Variants in CTBP1 observed in about 807,000 individuals in gnomAD.
CTBP1 encodes the protein C-terminal-binding protein 1.
Under a neutral mutation model 42.1 loss-of-function variants are expected in CTBP1, and 11 were observed. The ratio of observed to expected loss-of-function variants is 0.26; its 90% CI spans 0.16 to 0.43. The LOEUF is 0.43. CTBP1 is among the 20% of genes least tolerant of loss of function. The pLI is 1.00. For synonymous variants in CTBP1, 324 were observed against 277.1 expected, an observed-to-expected ratio of 1.17 and a Z score of -1.68; for missense variants, 399 against 624.3, an observed-to-expected ratio of 0.64 and a Z score of 3.85.
rs369335392 is a variant in CTBP1 at position 1,228,362 on chromosome 4, C to A, written c.163-19G>T. The A allele has an allele frequency of 1.6e-5, 26 of 1,609,126 alleles. No individual in the cohort carries two copies. The highest frequency in any genetic ancestry group is 2.1e-5 in the Non-Finnish European group (25 of 1,176,332). On this transcript the variant is annotated intron_variant, in intron 3 of 9. Transcript: ENST00000382952. Reference sequence around the variant, plus strand: ...TCAGGACCTGCAGCGAGAAAGCACACAGGCTCAGCCCGGAACCTGAAGACC... The same window carrying A: ...TCAGGACCTGCAGCGAGAAAGCACAAAGGCTCAGCCCGGAACCTGAAGACC...
At chr4:1,250,322 C>G (rs1383076059), upstream of CTBP1, 2 of 273,362 alleles carry the variant, frequency 7.3e-6, no homozygotes, top group Non-Finnish European at 1.5e-5. Flanking sequence ...ATCGGGCTGC[C>G]GAGCTGTGGC....
chr4:1,213,506 C>T lies in CTBP1; in HGVS notation c.960G>A (p.Ala320=), dbSNP rs758441543. 7.4e-6 allele frequency: 12 copies of T among 1,612,420 alleles called. No individual in the cohort carries two copies. Among genetic ancestry groups the T allele is most frequent in the East Asian group, 6.7e-5 (3 of 44,884 alleles). Residue 320 remains alanine (A), a synonymous_variant, in exon 8 of 10, where the codon GCG becomes GCA. Transcript: ENST00000382952. ...TGATGGCTCTGCGGATCTCCCGTGCCGCCTCCTCTCGCATCTCGATGGATG... is the reference window on the plus strand; with the variant it reads ...TGATGGCTCTGCGGATCTCCCGTGCTGCCTCCTCTCGCATCTCGATGGATG... ...EQASIEMREE[A]AREIRRAITG...
chr4:1,221,534 G>A (rs1176898629), intron 5 of CTBP1: 1 of 161,882 alleles, frequency 6.2e-6, no homozygotes, highest in African/African-American at 2.4e-5. Context: ...AGCAAATCGT[G>A]CTGTGTTCAC....
At position 1,238,920 on chromosome 4, in the gene CTBP1, C is replaced by T. The variant is rs1034134896; in HGVS notation, c.8-583G>A. On this transcript the variant is annotated intron_variant, in intron 2 of 9. Transcript: ENST00000382952. The surrounding 1 kb of genome is among the most constrained non-coding windows in gnomAD (Gnocchi z 5.9). The stretch of plus-strand genomic sequence containing the variant: ...AGATGACAGCACGGGACTTTGGGAA[C>T]ATGGTTGTCCCTTTCCTGCCTGGGC... Among the ~76,000 whole-genome samples the T allele has an allele frequency of 2.0e-5, 3 of 152,150 alleles. No homozygotes were observed. The highest frequency in any genetic ancestry group is 4.4e-5 in the Non-Finnish European group (3 of 68,034).
intron 3 of CTBP1, among the ~76,000 whole-genome samples, chr4:1,230,809 C>A (rs926182128): frequency 2.6e-5 from 4 of 152,240 alleles, no homozygotes; most frequent in Non-Finnish European, 5.9e-5. Flanking sequence ...TGCATCGGCT[C>A]TTCCGTGATG....
intron 1 of CTBP1, among the ~76,000 whole-genome samples, chr4:1,248,391 A>G (rs528049132): frequency 1.0e-3 from 157 of 150,868 alleles, no homozygotes; most frequent in African/African-American, 3.6e-3. Context: ...CCCTTCCCCC[A>G]CAGCGCGCGG....
intron 4 of CTBP1, among the ~76,000 whole-genome samples, chr4:1,226,827 G>A (rs937699767): frequency 2.6e-5 from 4 of 151,412 alleles, no homozygotes; most frequent in African/African-American, 4.9e-5. Flanking sequence ...CATGGGCGCC[G>A]GCGGAAGCAG....
intron 1 of CTBP1, among the ~76,000 whole-genome samples, chr4:1,247,439 G>A (rs889245269): frequency 1.3e-5 from 2 of 152,092 alleles, no homozygotes; most frequent in Non-Finnish European, 2.9e-5. Context: ...ACCCCAGAGG[G>A]AGGTGGCCAG....
intron 1 of CTBP1, chr4:1,245,670 C>T: frequency 1.0e-6 from 1 of 980,732 alleles, no homozygotes; most frequent in Non-Finnish European, 1.2e-6. Flanking sequence ...GGCGGCAGGG[C>T]AGGGTGGCAC....
intron 4 of CTBP1, among the ~76,000 whole-genome samples, chr4:1,227,790 G>C (rs928256788): frequency 6.6e-6 from 1 of 152,186 alleles, no homozygotes; most frequent in African/African-American, 2.4e-5. Context: ...TGTGTGTTCT[G>C]TGTGCTGAGT....
At chr4:1,213,225 A>C (rs1381223739) in intron 8 of CTBP1, among the ~76,000 whole-genome samples, 195 bp from the exon 9 acceptor site, 1 of 152,152 alleles carries the variant, frequency 6.6e-6, no homozygotes, top group Non-Finnish European at 1.5e-5. Context: ...CCCAGCCCAG[A>C]GCACGTGCCC....
intron 1 of CTBP1, among the ~76,000 whole-genome samples, chr4:1,245,826 G>T (rs1028259464): frequency 2.0e-5 from 3 of 151,864 alleles, no homozygotes; most frequent in Non-Finnish European, 4.4e-5. Flanking sequence ...GTGCAGAAGG[G>T]GCCTGGTCCC....
chr4:1,248,642 A>C, intron 1 of CTBP1: 1 of 979,710 alleles, frequency 1.0e-6, no homozygotes, highest in Non-Finnish European at 1.2e-6. Flanking sequence ...CCAGAGGCCC[A>C]CAGGCCCTTT....
intron 7 of CTBP1, 53 bp downstream of exon 7, chr4:1,214,290 G>T (rs757297992): frequency 2.7e-6 from 4 of 1,494,498 alleles, no homozygotes; most frequent in East Asian, 5.4e-5. Flanking sequence ...GGTCAAGGCC[G>T]GCAGGATGGT....
At chr4:1,244,466 A>T in intron 1 of CTBP1, 1 of 984,924 alleles carries the variant, frequency 1.0e-6, no homozygotes. Flanking sequence ...CCGCCTGCTC[A>T]GACCCAGGCT....
In CTBP1 at chr4:1,238,681, C is replaced by T. The variant is rs983726461; in HGVS notation, c.8-344G>A. ...CCCTCTCACACCCTCCAAGACCCTC[C>T]GAGACCCCCCAAGAAATCTCCAGAC... On this transcript the variant is annotated intron_variant, in intron 2 of 9. Coordinates refer to ENST00000382952, the MANE Select transcript of CTBP1 (RefSeq NM_001012614.2). The surrounding 1 kb of genome is among the most constrained non-coding windows in gnomAD (Gnocchi z 5.9). Among the ~76,000 whole-genome samples, 16 of 150,638 alleles carry T rather than the reference C, an allele frequency of 1.1e-4. No homozygotes were observed. The highest frequency in any genetic ancestry group is 5.3e-4 in the Admixed American group (8 of 15,134).
rs1281887937 is a variant in CTBP1, at chr4:1,235,753, C to G, written c.162+2430G>C. 1 of 152,266 alleles carries G rather than the reference C, an allele frequency of 6.6e-6. No individual in the cohort carries two copies. The highest frequency in any genetic ancestry group is 2.4e-5 in the African/African-American group (1 of 41,448). 9.4% of individuals were successfully genotyped at this position (152,266 alleles called of 1,614,324 possible). A position where few individuals can be genotyped will look rare whatever the true frequency, so the allele number is the denominator to read the frequency against. Reference sequence around the variant, plus strand: ...CCTGGCTTCTGCGTTTTGCGCATCTCCTTGACTGCCTGGTTACCTCTGTTT... The same window carrying G: ...CCTGGCTTCTGCGTTTTGCGCATCTGCTTGACTGCCTGGTTACCTCTGTTT... On this transcript the variant is annotated intron_variant, in intron 3 of 9. Coordinates refer to ENST00000382952, the MANE Select transcript of CTBP1 (RefSeq NM_001012614.2). The surrounding 1 kb of genome is among the most constrained non-coding windows in gnomAD (Gnocchi z 4.2).
chr4:1,229,235 G>T (rs1354683196), intron 3 of CTBP1, among the ~76,000 whole-genome samples: 1 of 152,216 alleles, frequency 6.6e-6, no homozygotes, highest in African/African-American at 2.4e-5. Context: ...GAAGAACCAG[G>T]TGCAGCACTG....
At chr4:1,242,590 CTGGGGT>C (rs1732292577) in intron 1 of CTBP1, 1 of 985,342 alleles carries the variant, frequency 1.0e-6, no homozygotes, top group South Asian at 4.7e-5. Flanking sequence ...ATCACAGGGG[CTGGGGT>C]GCAGCCCCAC....
Sources: gnomAD v4.1 joint callset for allele counts (sites outside exome capture counted in the v4.1 genomes callset) on GRCh38, gnomAD v4.1.1 for gene constraint, Gnocchi (gnomAD v3.1) non-coding constraint, MANE v1.5 for transcripts, NCBI Gene and HGNC (gene_info 2026-07-23, HGNC 2026-07-21) for gene names.